ERCC8: variants seen among roughly 807,000 people sequenced by gnomAD.
The protein encoded by ERCC8 is DNA excision repair protein ERCC-8.
ERCC8 carries 52 observed loss-of-function variants against 54.9 expected under a neutral mutation model. The observed-to-expected ratio is 0.95, with a 90% CI of 0.76 to 1.19. The LOEUF (loss-of-function observed/expected upper bound fraction) is 1.19. Ranked by LOEUF, ERCC8 falls within the 50% of genes most tolerant of loss-of-function variation. The pLI is 0.00. For synonymous variants in ERCC8, 146 were observed against 157.2 expected (o/e 0.93, Z 0.53); for missense variants, 514 against 466.1 (o/e 1.10, Z -0.95).
At chr5:60,916,871 A>G (rs561449161) in intron 4 of ERCC8, among the ~76,000 whole-genome samples, 1 of 152,056 alleles carries the variant, frequency 6.6e-6, no homozygotes, top group Non-Finnish European at 1.5e-5. Context: ...TGTACATAGC[A>G]CTGAATTTAG....
intron 11 of ERCC8, among the ~76,000 whole-genome samples, chr5:60,880,062 TG>T (rs764975568): frequency 1.3e-4 from 20 of 152,300 alleles, no homozygotes; most frequent in Non-Finnish European, 2.4e-4. Flanking sequence ...GCAGGCCTGG[TG>T]GTGACAAAAT....
At chr5:60,927,508 T>C (rs1268087246) in intron 2 of ERCC8, among the ~76,000 whole-genome samples, 1 of 152,248 alleles carries the variant, frequency 6.6e-6, no homozygotes, top group East Asian at 1.9e-4. Context: ...AGATGCCTCA[T>C]CTGCATTTCT....
chr5:60,918,486 T>C (rs985764185), intron 3 of ERCC8, 98 bp from the exon 4 acceptor site: 25 of 1,046,762 alleles, frequency 2.4e-5, no homozygotes, highest in Middle Eastern at 2.2e-4. Flanking sequence ...TAGGATGATA[T>C]GAATGGCCAA....
intron 4 of ERCC8, among the ~76,000 whole-genome samples, chr5:60,910,447 T>C (rs1249522789): frequency 3.9e-5 from 6 of 152,196 alleles, no homozygotes; most frequent in East Asian, 1.9e-4. Flanking sequence ...AGAAAATGCA[T>C]TGATTCTATA....
At chr5:60,885,382 T>C (rs1014916441) in intron 11 of ERCC8, among the ~76,000 whole-genome samples, 4 of 152,162 alleles carry the variant, frequency 2.6e-5, no homozygotes, top group African/African-American at 7.2e-5. Context: ...TAAGTCACTA[T>C]AGATTTACTT....
Position 60,868,601 on chromosome 5 carries a change from A to C in ERCC8, c.*6014T>G, listed in dbSNP as rs1372475671. Among the ~76,000 whole-genome samples the C allele has an allele frequency of 6.6e-6, 1 of 152,248 alleles. No homozygotes were observed. The highest frequency in any genetic ancestry group is 1.5e-5 in the Non-Finnish European group (1 of 68,046). On this transcript the variant is annotated 3_prime_UTR_variant, in exon 12 of 12. Transcript: ENST00000676185. ...CAAGAAGCCACATGGCAGCAAAAGA[A>C]GTATGCCTTCTGTATCTGAGGATGT...
intron 2 of ERCC8, among the ~76,000 whole-genome samples, chr5:60,925,965 G>A (rs980727264): frequency 2.6e-5 from 4 of 152,022 alleles, no homozygotes; most frequent in South Asian, 2.1e-4. Context: ...CTGGGATTAC[G>A]GGCACGCGCC....
chr5:60,887,445 C>T lies in ERCC8; in HGVS notation c.1117G>A (p.Asp373Asn). ...PSLYEPVPDDDETTTKSQLNP... is the reference protein window; with the variant it reads ...PSLYEPVPDDNETTTKSQLNP... ...TTTGTGAAAATAATATTTACCTCAT[C>T]ATCATCAGGAACTGGTTCATATAAG... Residue 373 changes from aspartate (D) to asparagine (N), a missense_variant, in exon 11 of 12, where the codon GAT (aspartate) becomes AAT (asparagine). By Grantham distance (23) the Asp-to-Asn change is conservative. Transcript: ENST00000676185. The T allele has an allele frequency of 2.5e-6, 4 of 1,609,840 alleles. No homozygotes were observed. The highest frequency in any genetic ancestry group is 1.1e-5 in the South Asian group (1 of 90,972).
intron 11 of ERCC8, among the ~76,000 whole-genome samples, chr5:60,882,090 C>A (rs1748253077): frequency 6.6e-6 from 1 of 152,144 alleles, no homozygotes; most frequent in Non-Finnish European, 1.5e-5. Flanking sequence ...ATCTGCCTAC[C>A]TCAGCCTCCC....
chr5:60,908,889 T>G (rs1284433735), intron 4 of ERCC8, among the ~76,000 whole-genome samples: 1 of 152,124 alleles, frequency 6.6e-6, no homozygotes, highest in East Asian at 1.9e-4. Flanking sequence ...GAAATACCTT[T>G]GACCTCTTAT....
At chr5:60,897,960 A>C (rs1748766452) in intron 9 of ERCC8, among the ~76,000 whole-genome samples, 1 of 152,158 alleles carries the variant, frequency 6.6e-6, no homozygotes, top group South Asian at 2.1e-4. Flanking sequence ...ATAAAATTTG[A>C]TTACTTAGCT....
chr5:60,938,634 G>A (rs944502853), intron 1 of ERCC8, among the ~76,000 whole-genome samples: 1 of 152,184 alleles, frequency 6.6e-6, no homozygotes, highest in Non-Finnish European at 1.5e-5. Flanking sequence ...GATTACAGGC[G>A]TGAGCCACAG....
intron 2 of ERCC8, among the ~76,000 whole-genome samples, chr5:60,923,297 TTAA>T (rs1370153270): frequency 6.6e-6 from 1 of 152,192 alleles, no homozygotes; most frequent in East Asian, 1.9e-4. Context: ...TTGATTGAAC[TTAA>T]TAATTTGTAA....
intron 8 of ERCC8, among the ~76,000 whole-genome samples, chr5:60,898,993 T>G (rs534647118): frequency 1.3e-5 from 2 of 151,116 alleles, no homozygotes; most frequent in South Asian, 2.1e-4. Context: ...TATATTAGAA[T>G]GAACTATATA....
At chr5:60,914,338 G>A (rs933714779) in intron 4 of ERCC8, among the ~76,000 whole-genome samples, 3 of 152,080 alleles carry the variant, frequency 2.0e-5, no homozygotes, top group Non-Finnish European at 4.4e-5. Flanking sequence ...TTACCATTAT[G>A]TAATGGCCTT....
At chr5:60,920,972 T>C (rs958669380) in intron 3 of ERCC8, among the ~76,000 whole-genome samples, 4 of 151,920 alleles carry the variant, frequency 2.6e-5, no homozygotes, top group African/African-American at 9.7e-5. Flanking sequence ...ATATATGGCC[T>C]AAGTCTCTAA....
chr5:60,901,150 A>G (rs1234286815), intron 7 of ERCC8, among the ~76,000 whole-genome samples: 1 of 152,064 alleles, frequency 6.6e-6, no homozygotes, highest in Non-Finnish European at 1.5e-5. Context: ...ATGAAAATAT[A>G]TAAAAATATT....
chr5:60,928,062 A>G (rs1273450408), intron 2 of ERCC8, among the ~76,000 whole-genome samples: 1 of 152,226 alleles, frequency 6.6e-6, no homozygotes, highest in African/African-American at 2.4e-5. Context: ...CACATGAAAC[A>G]TACCATAACA....
chr5:60,943,698 A>G (rs1750331987), intron 1 of ERCC8, among the ~76,000 whole-genome samples: 2 of 152,210 alleles, frequency 1.3e-5, no homozygotes, highest in South Asian at 4.1e-4. Flanking sequence ...AAATGGAGCA[A>G]ATGAAAAAAA....
Sources: allele counts gnomAD v4.1 joint callset (sites outside exome capture counted in the v4.1 genomes callset), GRCh38; gene constraint gnomAD v4.1.1; transcripts MANE v1.5; gene names NCBI Gene and HGNC (gene_info 2026-07-23, HGNC 2026-07-21).